The following KIAA1217 variants were observed in gnomAD, a reference collection of about 807,000 sequenced individuals.
The protein encoded by KIAA1217 is sickle tail protein homolog.
In KIAA1217, 88 loss-of-function variants were observed where a neutral mutation model predicts 163.9. That is an observed-to-expected ratio of 0.54 (90% CI 0.45 to 0.64). The LOEUF is 0.64. Among genes scored for constraint, KIAA1217 ranks in the 30% least tolerant of loss-of-function variants. KIAA1217 has a pLI of 0.00. For missense variants in KIAA1217, 2,372 were observed against 2,475.0 expected (o/e 0.96, Z 0.88); for synonymous variants, 903 against 923.1 (o/e 0.98, Z 0.39).
intron 2 of KIAA1217, among the ~76,000 whole-genome samples, chr10:24,082,499 G>T (rs1589428593): frequency 6.6e-6 from 1 of 152,088 alleles, no homozygotes; most frequent in African/African-American, 2.4e-5. Flanking sequence ...TGCGGTGTTT[G>T]GTTTTCTGTT....
chr10:24,383,565 C>T (rs997087132), intron 3 of KIAA1217, among the ~76,000 whole-genome samples: 1 of 152,184 alleles, frequency 6.6e-6, no homozygotes, highest in African/African-American at 2.4e-5. Context: ...TGTAGAGTGC[C>T]GGTGTGCTGT....
chr10:23,931,505 C>T (rs1843251058), intron 1 of KIAA1217, among the ~76,000 whole-genome samples: 1 of 152,170 alleles, frequency 6.6e-6, no homozygotes, highest in African/African-American at 2.4e-5. Flanking sequence ...GAGCTTTATC[C>T]ACCAACTAGA....
At chr10:23,803,428 C>G in intron 1 of KIAA1217, among the ~76,000 whole-genome samples, 1 of 152,206 alleles carries the variant, frequency 6.6e-6, no homozygotes, top group Non-Finnish European at 1.5e-5. Context: ...TGCCAGGGCC[C>G]AGTCCCCATG....
chr10:24,289,593 C>T (rs2078899248), intron 2 of KIAA1217, among the ~76,000 whole-genome samples: 1 of 152,036 alleles, frequency 6.6e-6, no homozygotes, highest in Non-Finnish European at 1.5e-5. Flanking sequence ...AAAGATCTTC[C>T]ACTGAAAATG....
At chr10:24,000,706 C>T (rs115965180) in intron 1 of KIAA1217, among the ~76,000 whole-genome samples, 1,650 of 152,306 alleles carry the variant, frequency 0.011, 18 homozygotes, top group South Asian at 0.039. Flanking sequence ...GTACCAAACA[C>T]GCTGGAAAGA....
At chr10:24,135,766 T>C (rs1235359692) in intron 2 of KIAA1217, among the ~76,000 whole-genome samples, 1 of 152,158 alleles carries the variant, frequency 6.6e-6, no homozygotes, top group Non-Finnish European at 1.5e-5. Context: ...CCAGCTCTGC[T>C]GCGAAGCTTT....
Position 24,300,575 on chromosome 10 carries a change from A to G in KIAA1217, c.355-80294A>G, listed in dbSNP as rs577543882. On this transcript the variant is annotated intron_variant, in intron 2 of 20. Transcript: ENST00000376454. ...TTTTGGGTGGCGTCTGCATTCTTTT[A>G]TTATTTTTTTGAGATGGAGTCTCAT... Among the ~76,000 whole-genome samples, 11 of 151,960 alleles carry G rather than the reference A, an allele frequency of 7.2e-5. No individual in the cohort carries two copies. In the South Asian group the frequency reaches 2.3e-3, roughly 32 times the overall value.
intron 1 of KIAA1217, among the ~76,000 whole-genome samples, chr10:23,804,884 A>G (rs919704811): frequency 6.6e-6 from 1 of 152,172 alleles, no homozygotes; most frequent in African/African-American, 2.4e-5. Flanking sequence ...GGGAGAGGAC[A>G]GTATAAGGCA....
chr10:24,337,493 A>G lies in KIAA1217; in HGVS notation c.355-43376A>G, dbSNP rs114831826. Among the ~76,000 whole-genome samples, 465 of 152,314 alleles carry G rather than the reference A, an allele frequency of 3.1e-3. 2 individuals are homozygous for G. Among genetic ancestry groups the G allele is most frequent in the African/African-American group, 8.1e-3 (338 of 41,550 alleles). On this transcript the variant is annotated intron_variant, in intron 2 of 20. Coordinates refer to ENST00000376454, the MANE Select transcript of KIAA1217 (RefSeq NM_019590.5). ...TGGCTTATATTGGGTTGGTCTGCCC[A>G]TGCGCATCACACTTCATGAGAATAT... is the stretch of plus-strand genomic sequence containing the variant.
intron 1 of KIAA1217, among the ~76,000 whole-genome samples, chr10:23,787,927 G>A (rs1835567434): frequency 1.3e-5 from 2 of 152,052 alleles, no homozygotes; most frequent in South Asian, 4.1e-4. Flanking sequence ...GGGCATGGTG[G>A]CTCACACCTA....
Position 24,354,223 on chromosome 10 carries a change from C to T in KIAA1217, c.355-26646C>T, listed in dbSNP as rs556157407. Among the ~76,000 whole-genome samples, 3 of 152,288 alleles carry T rather than the reference C, an allele frequency of 2.0e-5. No individual in the cohort carries two copies. In the South Asian group the frequency reaches 6.2e-4, roughly 32 times the overall value. On this transcript the variant is annotated intron_variant, in intron 2 of 20. Transcript: ENST00000376454. The stretch of plus-strand genomic sequence containing the variant: ...GCTATTAGCCCTGAAATGGAACTGT[C>T]CAGAATAGTATTTGTGAAATGGCAG...
intron 1 of KIAA1217, among the ~76,000 whole-genome samples, chr10:23,727,713 A>G (rs1855823): frequency 1 from 152,309 of 152,312 alleles, 76,153 homozygotes; most frequent in Middle Eastern, 1. Flanking sequence ...TTGTTACATA[A>G]GTATACATGT....
Position 24,360,040 on chromosome 10 carries a change from C to CATTTTTTTTT in KIAA1217, c.355-20829_355-20828insATTTTTTTTT, listed in dbSNP as rs55881849. 3.2e-4 allele frequency among the ~76,000 whole-genome samples: 30 copies of CATTTTTTTTT among 94,284 alleles called. 4 individuals are homozygous for CATTTTTTTTT. Among genetic ancestry groups the CATTTTTTTTT allele is most frequent in the South Asian group, 4.0e-4 (1 of 2,498 alleles). The allele number at this position is 94,284 out of a possible 152,430, so 61.9% of individuals were successfully genotyped here. A position where few individuals can be genotyped will look rare whatever the true frequency, so the allele number is the denominator to read the frequency against. On this transcript the variant is annotated intron_variant, in intron 2 of 20. Transcript: ENST00000376454. ...ACTGTGTATCTTTAGGATATAATTACTTTTTTTTTTTTTTTTTTTTTTTTG... is the reference window on the plus strand; with the variant it reads ...ACTGTGTATCTTTAGGATATAATTACATTTTTTTTTTTTTTTTTTTTTTTTTTTTTTTTTG...
chr10:24,407,257 CGTGTGTGTGTGTGTGT>C (rs10545826), intron 3 of KIAA1217, among the ~76,000 whole-genome samples: 6 of 147,712 alleles, frequency 4.1e-5, no homozygotes, highest in Non-Finnish European at 9.0e-5. Context: ...GATGAAGATA[CGTGTGTGTGTGTGTGT>C]GTGTGTGTGT....
At chr10:23,911,640 T>C (rs770203003) in intron 1 of KIAA1217, among the ~76,000 whole-genome samples, 7 of 152,188 alleles carry the variant, frequency 4.6e-5, no homozygotes, top group Non-Finnish European at 5.9e-5. Flanking sequence ...TTATTATATA[T>C]GTATTTGGCA....
chr10:24,160,428 T>C (rs1286310133), intron 2 of KIAA1217, among the ~76,000 whole-genome samples: 1 of 152,224 alleles, frequency 6.6e-6, no homozygotes, highest in Non-Finnish European at 1.5e-5. Flanking sequence ...GGTGTACATA[T>C]AGTACACATC....
chr10:24,117,069 C>T (rs2063086696), intron 2 of KIAA1217, among the ~76,000 whole-genome samples: 1 of 151,254 alleles, frequency 6.6e-6, no homozygotes. Context: ...TGGAGTTTTG[C>T]TCTTGTTGCC....
intron 1 of KIAA1217, among the ~76,000 whole-genome samples, chr10:23,780,850 T>G (rs1835226375): frequency 6.6e-6 from 1 of 152,092 alleles, no homozygotes; most frequent in Non-Finnish European, 1.5e-5. Flanking sequence ...CTGGCTAATT[T>G]TTGTATTTTT....
At chr10:24,421,164 C>G (rs1417191580) in intron 3 of KIAA1217, among the ~76,000 whole-genome samples, 1 of 152,174 alleles carries the variant, frequency 6.6e-6, no homozygotes, top group Non-Finnish European at 1.5e-5. Flanking sequence ...TGCCACCACA[C>G]CCAGCTAATT....
Sources: allele counts gnomAD v4.1 joint callset (sites outside exome capture counted in the v4.1 genomes callset), GRCh38; gene constraint gnomAD v4.1.1; transcripts MANE v1.5; gene names NCBI Gene and HGNC (gene_info 2026-07-23, HGNC 2026-07-21).